Variants in SDHAF3 observed in about 807,000 individuals in gnomAD.
SDHAF3 encodes succinate dehydrogenase complex assembly factor 3.
SDHAF3 carries 18 observed loss-of-function variants against 11.5 expected under a neutral mutation model. The observed-to-expected ratio is 1.56, with a 90% CI of 1.08 to 2.32. The LOEUF is 2.32. Among genes scored for constraint, SDHAF3 ranks in the 30% most tolerant of loss-of-function variants. The pLI, the probability that SDHAF3 is intolerant of heterozygous loss-of-function variation, is 0.00. For synonymous variants in SDHAF3, 72 were observed against 59.3 expected (o/e 1.21, Z -0.99); for missense variants, 200 against 154.4 (o/e 1.30, Z -1.57).
chr7:97,172,408 C>T (rs1789614720), intron 1 of SDHAF3, among the ~76,000 whole-genome samples: 2 of 152,096 alleles, frequency 1.3e-5, no homozygotes, highest in Non-Finnish European at 2.9e-5. Flanking sequence ...ACTCAGAGTC[C>T]TCAACTCTCC....
intron 1 of SDHAF3, among the ~76,000 whole-genome samples, chr7:97,150,383 A>G (rs1789200729): frequency 6.6e-6 from 1 of 152,196 alleles, no homozygotes; most frequent in South Asian, 2.1e-4. Context: ...GTCTTTCAAA[A>G]TGTATTTTTA....
intron 1 of SDHAF3, among the ~76,000 whole-genome samples, chr7:97,144,077 C>G (rs1462107052): frequency 6.6e-6 from 1 of 152,120 alleles, no homozygotes; most frequent in Non-Finnish European, 1.5e-5. Flanking sequence ...TTGCATTTCC[C>G]TGATCATTAG....
intron 1 of SDHAF3, among the ~76,000 whole-genome samples, chr7:97,146,581 A>C (rs1285429341): frequency 1.3e-5 from 2 of 152,142 alleles, no homozygotes; most frequent in Non-Finnish European, 2.9e-5. Flanking sequence ...TGAAGAATAC[A>C]GATTTTGCAA....
intron 1 of SDHAF3, among the ~76,000 whole-genome samples, chr7:97,164,044 T>C (rs1399069407): frequency 6.6e-6 from 1 of 150,980 alleles, no homozygotes; most frequent in Non-Finnish European, 1.5e-5. Flanking sequence ...GCCTCCCAGG[T>C]TCAAGCGATT....
intron 1 of SDHAF3, among the ~76,000 whole-genome samples, chr7:97,148,437 C>T (rs1321141457): frequency 2.0e-5 from 3 of 152,048 alleles, no homozygotes; most frequent in African/African-American, 4.8e-5. Context: ...CCCAGGATGC[C>T]GAGGCTGGAG....
chr7:97,130,667 G>C (rs1370254896), intron 1 of SDHAF3, among the ~76,000 whole-genome samples: 1 of 152,214 alleles, frequency 6.6e-6, no homozygotes, highest in East Asian at 1.9e-4. Context: ...ACGACCATTT[G>C]GCAGGTCCCA....
chr7:97,127,945 G>C (rs1040786888), intron 1 of SDHAF3, among the ~76,000 whole-genome samples: 3 of 143,152 alleles, frequency 2.1e-5, no homozygotes, highest in Admixed American at 7.2e-5. Context: ...CTGTCGCTGA[G>C]GCTGGAGTGC....
chr7:97,180,976 C>T (rs1350332964), intron 1 of SDHAF3, 36 bp from the exon 2 acceptor site: 3 of 1,543,218 alleles, frequency 1.9e-6, no homozygotes, highest in Non-Finnish European at 1.8e-6. Flanking sequence ...ATTATTTAAA[C>T]TTTACATCTA....
chr7:97,170,292 ATAAAT>A (rs770705455), intron 1 of SDHAF3, among the ~76,000 whole-genome samples: 82 of 152,220 alleles, frequency 5.4e-4, no homozygotes, highest in Non-Finnish European at 9.8e-4. Context: ...TTACTAAAGA[ATAAAT>A]TAAAGGTTAT....
At chr7:97,168,696 A>G (rs1789554706) in intron 1 of SDHAF3, among the ~76,000 whole-genome samples, 1 of 152,192 alleles carries the variant, frequency 6.6e-6, no homozygotes, top group African/African-American at 2.4e-5. Context: ...TAATTGGGAT[A>G]GGTGTTGACT....
intron 1 of SDHAF3, among the ~76,000 whole-genome samples, chr7:97,166,617 G>A (rs1789509557): frequency 6.6e-6 from 1 of 152,126 alleles, no homozygotes. Flanking sequence ...CTGGTCAGCT[G>A]TGCCTGAATT....
chr7:97,130,428 G>T (rs1021440311), intron 1 of SDHAF3, among the ~76,000 whole-genome samples: 1 of 152,220 alleles, frequency 6.6e-6, no homozygotes, highest in East Asian at 1.9e-4. Flanking sequence ...TCTGGCTCGG[G>T]AAGTCCTGGG....
intron 1 of SDHAF3, among the ~76,000 whole-genome samples, chr7:97,171,173 G>A (rs1789597342): frequency 6.7e-6 from 1 of 148,328 alleles, no homozygotes; most frequent in Non-Finnish European, 1.5e-5. Context: ...TTTTTAATAA[G>A]TTCTCTAGGG....
intron 1 of SDHAF3, among the ~76,000 whole-genome samples, chr7:97,144,954 C>T (rs1178259293): frequency 6.6e-6 from 1 of 151,170 alleles, no homozygotes; most frequent in Non-Finnish European, 1.5e-5. Context: ...GTGTGTTTCC[C>T]TTTGTGTGAT....
chr7:97,180,928 T>C (rs1789761248), intron 1 of SDHAF3, 84 bp from the exon 2 acceptor site: 1 of 1,176,796 alleles, frequency 8.5e-7, no homozygotes, highest in Non-Finnish European at 1.2e-6. Flanking sequence ...GAAAAATAGG[T>C]GACTCAGAAT....
chr7:97,159,945 A>AT (rs2115713820), intron 1 of SDHAF3, among the ~76,000 whole-genome samples: 1 of 152,204 alleles, frequency 6.6e-6, no homozygotes, highest in African/African-American at 2.4e-5. Context: ...TGATTCTATG[A>AT]TTTTTGTCTG....
At chr7:97,179,622 C>G (rs565358424) in intron 1 of SDHAF3, among the ~76,000 whole-genome samples, 1 of 151,812 alleles carries the variant, frequency 6.6e-6, no homozygotes, top group Non-Finnish European at 1.5e-5. Flanking sequence ...ATTATCAAGA[C>G]GGGGAGAGGG....
chr7:97,162,290 T>A (rs191105538), intron 1 of SDHAF3, among the ~76,000 whole-genome samples: 6 of 152,188 alleles, frequency 3.9e-5, no homozygotes, highest in Non-Finnish European at 7.3e-5. Context: ...TTTTTTCTTA[T>A]AAATTTGTTT....
At chr7:97,130,067 G>A (rs1046559756) in intron 1 of SDHAF3, among the ~76,000 whole-genome samples, 1 of 151,972 alleles carries the variant, frequency 6.6e-6, no homozygotes, top group Non-Finnish European at 1.5e-5. Flanking sequence ...GAACTGTGGA[G>A]CCCCAAAGGG....
Sources: gnomAD v4.1 joint callset for allele counts (sites outside exome capture counted in the v4.1 genomes callset) on GRCh38, gnomAD v4.1.1 for gene constraint, MANE v1.5 for transcripts, NCBI Gene and HGNC (gene_info 2026-07-23, HGNC 2026-07-21) for gene names.